ASTN2: variants seen among roughly 807,000 people sequenced by gnomAD.
ASTN2 encodes the protein astrotactin 2, also known as astrotactin-2.
Under a neutral mutation model 139.8 loss-of-function variants are expected in ASTN2, and 54 were observed. The observed-to-expected ratio is 0.39, with a 90% CI of 0.31 to 0.48. ASTN2 has a LOEUF of 0.48. ASTN2 is among the 20% of genes least tolerant of loss of function. The pLI is 0.95. For missense variants in ASTN2, 1,565 were observed against 1,725.1 expected (o/e 0.91, Z 1.64); for synonymous variants, 756 against 719.5 (o/e 1.05, Z -0.81).
rs1847300786 is a variant in ASTN2, at chr9:116,426,070, T to G, written c.3801A>C (p.Leu1267=). 6.2e-7 allele frequency: 1 copy of G among 1,613,432 alleles called. No individual in the cohort carries two copies. Among genetic ancestry groups the G allele is most frequent in the East Asian group, 2.2e-5 (1 of 44,876 alleles). The part of the protein sequence containing the change: ...ELGPRKAHLI[L]RRLERVSSHC... The stretch of plus-strand genomic sequence containing the variant: ...GGCTACTCACCCTCTCCAGTCGCCG[T>G]AGAATCAGGTGGGCCTTCCTGAAAG... Residue 1267 remains leucine, a synonymous_variant, in exon 23 of 23, where the codon CTA becomes CTC. Transcript: ENST00000313400.
intron 5 of ASTN2, among the ~76,000 whole-genome samples, chr9:117,087,208 AT>A (rs996533332): frequency 6.9e-6 from 1 of 144,832 alleles, no homozygotes; most frequent in Non-Finnish European, 1.5e-5. Flanking sequence ...TTCCTTTTTC[AT>A]TTTTTTCTTT....
At chr9:116,635,017 A>C (rs1857006012) in intron 17 of ASTN2, among the ~76,000 whole-genome samples, 1 of 152,226 alleles carries the variant, frequency 6.6e-6, no homozygotes. Flanking sequence ...TCAAGTGTTC[A>C]ATCGTACTAG....
chr9:116,694,675 C>G (rs803935), intron 16 of ASTN2, among the ~76,000 whole-genome samples: 105,901 of 145,982 alleles, frequency 0.73, 38,541 homozygotes, highest in East Asian at 0.87. Flanking sequence ...GTTTCACCGT[C>G]TTAGCCAGGA....
chr9:117,103,986 C>T (rs1829044277), intron 4 of ASTN2, among the ~76,000 whole-genome samples: 1 of 152,114 alleles, frequency 6.6e-6, no homozygotes, highest in African/African-American at 2.4e-5. Flanking sequence ...TGCTATAGGC[C>T]AGGCACTTTA....
intron 4 of ASTN2, among the ~76,000 whole-genome samples, chr9:117,133,161 G>C (rs997423086): frequency 1.3e-5 from 2 of 152,262 alleles, no homozygotes; most frequent in East Asian, 3.9e-4. Context: ...TTGAGTTGGG[G>C]GAGACCTGTG....
At chr9:116,661,678 C>T (rs958463482) in intron 16 of ASTN2, among the ~76,000 whole-genome samples, 7 of 152,064 alleles carry the variant, frequency 4.6e-5, no homozygotes, top group African/African-American at 1.7e-4. Context: ...GGAATGGATG[C>T]GGTCTGAACT....
chr9:117,362,899 A>T (rs931574376), intron 1 of ASTN2, among the ~76,000 whole-genome samples: 4 of 152,096 alleles, frequency 2.6e-5, no homozygotes, highest in Non-Finnish European at 5.9e-5. Flanking sequence ...GTCATTCTGG[A>T]ATTGTGTGAG....
chr9:116,559,280 T>A (rs142148788), intron 19 of ASTN2, among the ~76,000 whole-genome samples: 2 of 152,324 alleles, frequency 1.3e-5, no homozygotes, highest in African/African-American at 4.8e-5. Context: ...TTTAGAGAGC[T>A]GAGACCTTGG....
chr9:116,917,402 C>T (rs112650444), intron 10 of ASTN2, among the ~76,000 whole-genome samples: 1 of 152,088 alleles, frequency 6.6e-6, no homozygotes, highest in Non-Finnish European at 1.5e-5. Context: ...TGATTGAGCC[C>T]CCCGTTCCAT....
chr9:116,679,789 A>C (rs1209453186), intron 16 of ASTN2, among the ~76,000 whole-genome samples: 2 of 152,324 alleles, frequency 1.3e-5, no homozygotes, highest in East Asian at 3.9e-4. Context: ...TACATAACGA[A>C]ATGAAGGCAG....
intron 10 of ASTN2, among the ~76,000 whole-genome samples, chr9:116,932,639 C>A (rs1834934679): frequency 6.6e-6 from 1 of 152,048 alleles, no homozygotes; most frequent in Admixed American, 6.6e-5. Context: ...GAACAGAAAG[C>A]TACAGGAACC....
intron 6 of ASTN2, among the ~76,000 whole-genome samples, chr9:117,019,008 G>A (rs1161337798): frequency 6.6e-6 from 1 of 151,994 alleles, no homozygotes; most frequent in African/African-American, 2.4e-5. Flanking sequence ...TTAACACATG[G>A]CTGCCTCGCA....
At chr9:116,962,327 G>C (rs1396240853) in intron 10 of ASTN2, among the ~76,000 whole-genome samples, 1 of 152,184 alleles carries the variant, frequency 6.6e-6, no homozygotes, top group African/African-American at 2.4e-5. Context: ...AGGTTGGCCA[G>C]CTTGACTAAG....
chr9:116,751,011 C>G (rs1829384443), intron 13 of ASTN2, among the ~76,000 whole-genome samples: 1 of 152,152 alleles, frequency 6.6e-6, no homozygotes, highest in Non-Finnish European at 1.5e-5. Context: ...GTTATGTTGC[C>G]ATATGCAATC....
rs988449576 is a variant in ASTN2, at chr9:116,991,240, T to C, written c.1592-14455A>G. Among the ~76,000 whole-genome samples the C allele has an allele frequency of 4.6e-5, 7 of 152,206 alleles. No homozygotes were observed. In the South Asian group the frequency reaches 1.4e-3, roughly 31 times the overall value. On this transcript the variant is annotated intron_variant, in intron 7 of 22. Transcript: ENST00000313400. ...TAGTCATCCACACTGAATCAAATGCTGCCTTCAGTCTAGCAAAAGGAGAGA... is the reference window on the plus strand; with the variant it reads ...TAGTCATCCACACTGAATCAAATGCCGCCTTCAGTCTAGCAAAAGGAGAGA...
intron 4 of ASTN2, among the ~76,000 whole-genome samples, chr9:117,112,271 T>G (rs1244107384): frequency 6.6e-6 from 1 of 152,060 alleles, no homozygotes; most frequent in African/African-American, 2.4e-5. Context: ...TTTTTTGTTT[T>G]GGTAGAAATT....
In ASTN2 at chr9:116,426,079, G is replaced by C; in HGVS notation, c.3792C>G (p.His1264Gln). 6.2e-7 allele frequency: 1 copy of C among 1,613,218 alleles called. No individual in the cohort carries two copies. Among genetic ancestry groups the C allele is most frequent in the Non-Finnish European group, 8.5e-7 (1 of 1,180,006 alleles). The change falls in exon 23 of 23, where the codon CAC becomes CAG. Residue 1264 changes from histidine to glutamine, a missense_variant. Coordinates refer to ENST00000313400, the MANE Select transcript of ASTN2 (RefSeq NM_001365068.1). ...CCCTCTCCAGTCGCCGTAGAATCAG[G>C]TGGGCCTTCCTGAAAGGTAGGATGA... Reference protein sequence around the residue: ...SEDELGPRKAHLILRRLERVS... With the variant: ...SEDELGPRKAQLILRRLERVS...
chr9:116,677,290 G>A lies in ASTN2; in HGVS notation c.2807-25497C>T, dbSNP rs189673771. Among the ~76,000 whole-genome samples the A allele has an allele frequency of 2.6e-3, 388 of 152,118 alleles. 2 individuals carry two copies. Among genetic ancestry groups the A allele is most frequent in the African/African-American group, 8.9e-3 (368 of 41,488 alleles). On this transcript the variant is annotated intron_variant, in intron 16 of 22. Coordinates refer to ENST00000313400, the MANE Select transcript of ASTN2 (RefSeq NM_001365068.1). ...TTGGGACTCCTTGGGAAAGACAGAG[G>A]AGGCACCATAGACCCTGTTTTGGAA... is the stretch of plus-strand genomic sequence containing the variant.
At chr9:116,766,676 C>T (rs2132176912) in intron 13 of ASTN2, among the ~76,000 whole-genome samples, 1 of 152,276 alleles carries the variant, frequency 6.6e-6, no homozygotes, top group African/African-American at 2.4e-5. Context: ...CAAATACACA[C>T]ATTCACACTC....
Sources: allele counts gnomAD v4.1 joint callset (sites outside exome capture counted in the v4.1 genomes callset), GRCh38; gene constraint gnomAD v4.1.1; transcripts MANE v1.5; gene names NCBI Gene and HGNC (gene_info 2026-07-23, HGNC 2026-07-21).